Variants in MPP7 observed in about 807,000 individuals in gnomAD.
MPP7 encodes the protein MAGUK p55 scaffold protein 7.
In MPP7, 60 loss-of-function variants were observed where a neutral mutation model predicts 76.5. That is an observed-to-expected ratio of 0.78 (90% CI 0.64 to 0.97). The LOEUF (loss-of-function observed/expected upper bound fraction) is 0.97, where lower values mean the gene tolerates loss of function less well. Ranked by LOEUF, MPP7 falls within the 50% of genes least tolerant of loss-of-function variation. MPP7 has a pLI of 0.00. For synonymous variants in MPP7, 237 were observed against 244.5 expected (o/e 0.97, Z 0.29); for missense variants, 641 against 694.0 (o/e 0.92, Z 0.86).
At chr10:28,262,240 TA>T (rs1840002016) in intron 1 of MPP7, among the ~76,000 whole-genome samples, 1 of 70,474 alleles carries the variant, frequency 1.4e-5, no homozygotes, top group Non-Finnish European at 2.3e-5. Context: ...TATATATATA[TA>T]TACATATATA....
intron 1 of MPP7, among the ~76,000 whole-genome samples, chr10:28,246,402 G>A (rs1280081077): frequency 6.6e-6 from 1 of 152,102 alleles, no homozygotes; most frequent in Non-Finnish European, 1.5e-5. Context: ...AACAAAAGCT[G>A]AGGGAGTTTG....
At chr10:28,316,242 G>C (rs984404063) in intron 2 of MPP7, among the ~76,000 whole-genome samples, 1 of 151,872 alleles carries the variant, frequency 6.6e-6, no homozygotes, top group Admixed American at 6.6e-5. Flanking sequence ...TTCGAGACCA[G>C]CCTGGCCAAC....
intron 3 of MPP7, among the ~76,000 whole-genome samples, chr10:28,172,794 C>G (rs1836728550): frequency 6.6e-6 from 1 of 152,166 alleles, no homozygotes; most frequent in South Asian, 2.1e-4. Flanking sequence ...GTCTTATTCT[C>G]AATGTTTTTC....
intron 2 of MPP7, among the ~76,000 whole-genome samples, chr10:28,224,122 T>A (rs1386179310): frequency 6.6e-6 from 1 of 151,830 alleles, no homozygotes; most frequent in Non-Finnish European, 1.5e-5. Flanking sequence ...GAGGCAGAGG[T>A]TGCAGTGAGC....
intron 2 of MPP7, among the ~76,000 whole-genome samples, chr10:28,215,671 A>ATAAT (rs1053703953): frequency 6.6e-6 from 1 of 152,284 alleles, no homozygotes; most frequent in Admixed American, 6.5e-5. Context: ...GCCATGCGAC[A>ATAAT]TAATTACAAA....
chr10:28,235,884 T>A (rs546545093), intron 2 of MPP7, among the ~76,000 whole-genome samples: 3 of 152,134 alleles, frequency 2.0e-5, no homozygotes, highest in South Asian at 4.1e-4. Flanking sequence ...GCTCAAAGGA[T>A]GAATACACAA....
intron 1 of MPP7, among the ~76,000 whole-genome samples, chr10:28,283,829 T>C (rs1840736041): frequency 6.6e-6 from 1 of 152,176 alleles, no homozygotes; most frequent in Admixed American, 6.5e-5. Flanking sequence ...AAGCTTTTTT[T>C]CCATCCAAAA....
chr10:28,167,510 A>G (rs898122834), intron 3 of MPP7, among the ~76,000 whole-genome samples: 5 of 152,170 alleles, frequency 3.3e-5, no homozygotes, highest in East Asian at 3.9e-4. Context: ...GAGAAGGCCT[A>G]TTGGATACTA....
At chr10:28,222,281 T>G (rs1564712770) in intron 2 of MPP7, among the ~76,000 whole-genome samples, 1 of 151,282 alleles carries the variant, frequency 6.6e-6, no homozygotes, top group African/African-American at 2.4e-5. Flanking sequence ...GGAGGGCCAC[T>G]TGAGCTCAGG....
rs574994862 is a variant in MPP7, at chr10:28,286,847, G to C, written c.-132+16014C>G. 9.9e-5 allele frequency among the ~76,000 whole-genome samples: 15 copies of C among 152,250 alleles called. No individual in the cohort carries two copies. In the South Asian group the frequency reaches 2.5e-3, roughly 25 times the overall value. ...GGTTTCATATAAAAATATCCTTGATGAAACAGTGAACATTAGCAATTGCAT... is the reference window on the plus strand; with the variant it reads ...GGTTTCATATAAAAATATCCTTGATCAAACAGTGAACATTAGCAATTGCAT... On this transcript the variant is annotated intron_variant, in intron 1 of 16. Coordinates refer to ENST00000683449, the MANE Select transcript of MPP7 (RefSeq NM_001318170.2).
At chr10:28,244,847 G>A (rs752684157) in intron 1 of MPP7, among the ~76,000 whole-genome samples, 4 of 152,046 alleles carry the variant, frequency 2.6e-5, no homozygotes, top group African/African-American at 7.2e-5. Flanking sequence ...GCACACAACC[G>A]CCCCTTCTCT....
At chr10:28,118,401 A>C in intron 11 of MPP7, 1 of 981,832 alleles carries the variant, frequency 1.0e-6, no homozygotes, top group East Asian at 1.1e-4. Context: ...ATGGATCCAG[A>C]TTCGAGTATA....
At chr10:28,321,872 C>G (rs1262874889) in intron 2 of MPP7, among the ~76,000 whole-genome samples, 1 of 151,178 alleles carries the variant, frequency 6.6e-6, no homozygotes, top group African/African-American at 2.5e-5. Context: ...AGGTATGAGC[C>G]ATGCCTAGCC....
chr10:28,080,462 A>C (rs541510083), intron 12 of MPP7, among the ~76,000 whole-genome samples: 11 of 152,206 alleles, frequency 7.2e-5, no homozygotes, highest in African/African-American at 2.2e-4. Flanking sequence ...ATCCCATTCC[A>C]CTTTACTTTC....
rs544407617 is a variant in MPP7 at position 28,297,942 on chromosome 10, C to T, written c.-132+4919G>A. 1.1e-4 allele frequency among the ~76,000 whole-genome samples: 17 copies of T among 152,328 alleles called. 1 individual carries two copies. In the South Asian group the frequency reaches 3.5e-3, roughly 32 times the overall value. On this transcript the variant is annotated intron_variant, in intron 1 of 16. Coordinates refer to ENST00000683449, the MANE Select transcript of MPP7 (RefSeq NM_001318170.2). ...CTCTCTCAAGAAGCCACTTTCTTTG[C>T]TCATTCAGAAGAAGCAACTCTTCAT...
intron 6 of MPP7, among the ~76,000 whole-genome samples, chr10:28,127,386 A>G (rs538821235): frequency 6.6e-6 from 1 of 152,330 alleles, no homozygotes; most frequent in South Asian, 2.1e-4. Context: ...ATTATACAGT[A>G]TGTTAGAGAG....
intron 11 of MPP7, among the ~76,000 whole-genome samples, chr10:28,097,393 G>A (rs984797881): frequency 6.6e-6 from 1 of 152,106 alleles, no homozygotes; most frequent in African/African-American, 2.4e-5. Context: ...TCGGGCACAT[G>A]TTAGATGACT....
At chr10:28,071,310 G>A (rs1307049598) in intron 12 of MPP7, among the ~76,000 whole-genome samples, 2 of 152,168 alleles carry the variant, frequency 1.3e-5, no homozygotes, top group African/African-American at 2.4e-5. Flanking sequence ...CCAGGTGGAG[G>A]GAAAAGGATG....
chr10:28,260,769 CAAAAA>C (rs772017051), intron 1 of MPP7, among the ~76,000 whole-genome samples: 10,322 of 68,056 alleles, frequency 0.15, 504 homozygotes, highest in East Asian at 0.37. Flanking sequence ...GACTCCATCT[CAAAAA>C]AAAAAAAAAA....
Sources: allele counts gnomAD v4.1 joint callset (sites outside exome capture counted in the v4.1 genomes callset), GRCh38; gene constraint gnomAD v4.1.1; transcripts MANE v1.5; gene names NCBI Gene and HGNC (gene_info 2026-07-23, HGNC 2026-07-21).